Variants in GTF2IRD1 observed in about 807,000 individuals in gnomAD.
GTF2IRD1 encodes the protein general transcription factor II-I repeat domain-containing protein 1.
In GTF2IRD1, 26 loss-of-function variants were observed where a neutral mutation model predicts 113.2. The ratio of observed to expected loss-of-function variants is 0.23; its 90% confidence interval spans 0.17 to 0.32. The LOEUF (loss-of-function observed/expected upper bound fraction) is 0.32, where lower values mean the gene tolerates loss of function less well. Ranked by LOEUF, GTF2IRD1 falls within the 10% of genes least tolerant of loss-of-function variation. GTF2IRD1 has a pLI of 1.00. For synonymous variants in GTF2IRD1, 484 were observed against 529.1 expected, an observed-to-expected ratio of 0.91 and a Z score of 1.17; for missense variants, 864 against 1,280.8, an observed-to-expected ratio of 0.67 and a Z score of 4.97.
At chr7:74,550,718 G>C (rs1273568277) in intron 17 of GTF2IRD1, among the ~76,000 whole-genome samples, 1 of 152,002 alleles carries the variant, frequency 6.6e-6, no homozygotes, top group African/African-American at 2.4e-5. Context: ...GAGCAGCCTG[G>C]GCAATGTATC....
At position 74,540,377 on chromosome 7, in the gene GTF2IRD1, C is replaced by T. The variant is rs587725258; in HGVS notation, c.1618+409C>T. 5.9e-5 allele frequency among the ~76,000 whole-genome samples: 9 copies of T among 152,144 alleles called. No individual in the cohort carries two copies. The East Asian group carries it at 1.6e-3, about 26-fold the overall frequency. On this transcript the variant is annotated intron_variant, in intron 14 of 26. Coordinates refer to ENST00000424337, the MANE Select transcript of GTF2IRD1 (RefSeq NM_005685.4). ...GTCAGGCTGGTCTTGAACTCCCGAC[C>T]TCAGGTGATCCACCTGCCTCAGCCT...
intron 22 of GTF2IRD1, among the ~76,000 whole-genome samples, chr7:74,575,901 G>A (rs13437728): frequency 0.02 from 3,118 of 152,162 alleles, 134 homozygotes; most frequent in African/African-American, 0.071. Flanking sequence ...AACAGGCCGG[G>A]TCCAGTGGCT....
intron 1 of GTF2IRD1, among the ~76,000 whole-genome samples, chr7:74,491,690 G>A (rs1795356282): frequency 6.6e-6 from 1 of 152,062 alleles, no homozygotes; most frequent in Admixed American, 6.6e-5. Context: ...AGTATTCCAT[G>A]GTGTATACCT....
intron 8 of GTF2IRD1, 46 bp from the exon 9 acceptor site, chr7:74,529,688 A>G: frequency 6.3e-7 from 1 of 1,582,578 alleles, no homozygotes; most frequent in South Asian, 1.1e-5. Context: ...CTGTGTGTCC[A>G]GCAGCCTGTC....
chr7:74,573,043 G>A (rs1554363118), intron 22 of GTF2IRD1, among the ~76,000 whole-genome samples: 1 of 152,080 alleles, frequency 6.6e-6, no homozygotes, highest in Admixed American at 6.6e-5. Flanking sequence ...TGGGGTCATT[G>A]CAACACCATT....
chr7:74,540,590 A>G (rs1428393790), intron 14 of GTF2IRD1, among the ~76,000 whole-genome samples: 1 of 151,922 alleles, frequency 6.6e-6, no homozygotes, highest in African/African-American at 2.4e-5. Flanking sequence ...GCAGTGAACC[A>G]AGCAGAAGTC....
intron 1 of GTF2IRD1, among the ~76,000 whole-genome samples, chr7:74,499,234 A>G (rs1035911754): frequency 6.6e-6 from 1 of 152,214 alleles, no homozygotes; most frequent in African/African-American, 2.4e-5. Context: ...GAGCTCTTGC[A>G]GGGTGGCCCC....
intron 1 of GTF2IRD1, among the ~76,000 whole-genome samples, chr7:74,461,356 C>T (rs942017973): frequency 6.6e-6 from 1 of 152,084 alleles, no homozygotes. Context: ...GATGGTTGGC[C>T]GAGGGTAGGC....
intron 22 of GTF2IRD1, among the ~76,000 whole-genome samples, chr7:74,562,638 G>T (rs1307022054): frequency 7.5e-6 from 1 of 133,280 alleles, no homozygotes; most frequent in African/African-American, 3.0e-5. Flanking sequence ...TGTGATCCTG[G>T]TTCACTGTAA....
intron 22 of GTF2IRD1, chr7:74,571,142 G>A (rs1800673708): frequency 1.0e-6 from 1 of 984,156 alleles, no homozygotes; most frequent in African/African-American, 1.7e-5. Context: ...CCCCAGGGAT[G>A]TGGCAGAGCT....
At chr7:74,462,288 G>C (rs1554329521) in intron 1 of GTF2IRD1, among the ~76,000 whole-genome samples, 1 of 152,164 alleles carries the variant, frequency 6.6e-6, no homozygotes, top group African/African-American at 2.4e-5. Flanking sequence ...AGGATTGCTT[G>C]ACCCCAGGAG....
rs190012238 is a variant in GTF2IRD1, at chr7:74,588,435, C to T, written c.2321-1416C>T. On this transcript the variant is annotated intron_variant, in intron 22 of 26. Coordinates refer to ENST00000424337, the MANE Select transcript of GTF2IRD1 (RefSeq NM_005685.4). Reference sequence around the variant, plus strand: ...CACAAGATCTTTCACGCTTGAGTGCCTATGCATGGCTGGTCCTTCTGTCCT... The same window carrying T: ...CACAAGATCTTTCACGCTTGAGTGCTTATGCATGGCTGGTCCTTCTGTCCT... Among the ~76,000 whole-genome samples, 657 of 152,250 alleles carry T rather than the reference C, an allele frequency of 4.3e-3. 4 individuals are homozygous for T. Among genetic ancestry groups the T allele is most frequent in the African/African-American group, 0.015 (631 of 41,566 alleles).
rs1554345355 is a variant in GTF2IRD1 at position 74,519,440 on chromosome 7, G to A, written c.637G>A (p.Ala213Thr). 6.5e-7 allele frequency: 1 copy of A among 1,549,602 alleles called. No homozygotes were observed. The highest frequency in any genetic ancestry group is 8.7e-7 in the Non-Finnish European group (1 of 1,149,038). The change falls in exon 6 of 27, where the codon GCC (alanine) becomes ACC (threonine). Residue 213 changes from alanine (A) to threonine (T), a missense_variant. Around this residue, in one of 7 missense-constraint regions of GTF2IRD1, gnomAD observed 195 missense variants for 196.6 expected, o/e 0.99. Coordinates refer to ENST00000424337, the MANE Select transcript of GTF2IRD1 (RefSeq NM_005685.4). ...PLEDGGRDSK[A>T]LVELNGVSLI... ...TGAGGATGGCGGGCGGGACTCGAAG[G>A]CCCTGGTGGAGCTGAACGGTGTCTC...
At chr7:74,483,409 T>C (rs1794853358) in intron 1 of GTF2IRD1, among the ~76,000 whole-genome samples, 1 of 151,748 alleles carries the variant, frequency 6.6e-6, no homozygotes, top group Non-Finnish European at 1.5e-5. Context: ...TAGCTGGGCA[T>C]GGTGGCATGT....
intron 1 of GTF2IRD1, among the ~76,000 whole-genome samples, chr7:74,495,523 G>T (rs782658091): frequency 6.6e-6 from 1 of 152,102 alleles, no homozygotes; most frequent in Non-Finnish European, 1.5e-5. Flanking sequence ...CCCTCTCTTC[G>T]GAGGCCTTTC....
At chr7:74,518,060 C>T (rs1412754283) in intron 4 of GTF2IRD1, 79 bp from the exon 5 acceptor site, 2 of 1,023,768 alleles carry the variant, frequency 2.0e-6, no homozygotes, top group African/African-American at 3.2e-5. Flanking sequence ...GCACTGCCCC[C>T]ACTCTGGGGC....
chr7:74,472,179 C>G (rs1584469819), intron 1 of GTF2IRD1, among the ~76,000 whole-genome samples: 4 of 152,304 alleles, frequency 2.6e-5, no homozygotes, highest in Admixed American at 2.6e-4. Context: ...TCCCTTCTAC[C>G]AATGGTGAGT....
intron 1 of GTF2IRD1, among the ~76,000 whole-genome samples, chr7:74,490,268 C>A (rs1795263370): frequency 6.6e-6 from 1 of 152,038 alleles, no homozygotes; most frequent in South Asian, 2.1e-4. Flanking sequence ...CCAGTGAGAC[C>A]CCAGGTGTCT....
chr7:74,464,538 C>T (rs1309011591), intron 1 of GTF2IRD1, among the ~76,000 whole-genome samples: 2 of 152,126 alleles, frequency 1.3e-5, no homozygotes, highest in South Asian at 2.1e-4. Flanking sequence ...CCCCCCTCCT[C>T]CTGGGTTCAG....
Sources: allele counts gnomAD v4.1 joint callset (sites outside exome capture counted in the v4.1 genomes callset), GRCh38; gene constraint gnomAD v4.1.1; regional missense constraint gnomAD v4.1.1; transcripts MANE v1.5; gene names NCBI Gene and HGNC (gene_info 2026-07-23, HGNC 2026-07-21).